Variants in SAMMSON observed in about 807,000 individuals in gnomAD.
SAMMSON encodes survival associated mitochondrial melanoma specific oncogenic non-coding RNA, also known as long intergenic non-protein coding RNA 1212.
intron 6 of SAMMSON, among the ~76,000 whole-genome samples, chr3:70,270,032 A>T (rs1356532786): frequency 6.6e-6 from 1 of 152,204 alleles, no homozygotes; most frequent in Admixed American, 6.5e-5. Context: ...TGATAAATAA[A>T]TCCATGAGTT....
intron 4 of SAMMSON, among the ~76,000 whole-genome samples, chr3:70,143,651 G>T (rs1315335931): frequency 1.3e-5 from 2 of 152,126 alleles, no homozygotes; most frequent in Non-Finnish European, 2.9e-5. Context: ...CCAGCAGTTT[G>T]CTGGGTGAGA....
At chr3:70,008,552 G>A (rs1040994841) in intron 1 of SAMMSON, among the ~76,000 whole-genome samples, 24 of 152,148 alleles carry the variant, frequency 1.6e-4, no homozygotes, top group South Asian at 4.1e-4. Flanking sequence ...AGATGATGGG[G>A]TTTTCTAGAT....
At chr3:70,037,536 A>G (rs1361126511) in intron 3 of SAMMSON, among the ~76,000 whole-genome samples, 1 of 152,186 alleles carries the variant, frequency 6.6e-6, no homozygotes, top group Non-Finnish European at 1.5e-5. Flanking sequence ...AGGAGGAGAA[A>G]TACACACAGA....
At chr3:70,082,355 T>C (rs1187312720) in intron 4 of SAMMSON, among the ~76,000 whole-genome samples, 1 of 152,186 alleles carries the variant, frequency 6.6e-6, no homozygotes, top group African/African-American at 2.4e-5. Flanking sequence ...TAAAAGCATT[T>C]CCCAGAAGGA....
At chr3:70,353,655 A>G (rs1702810130) in intron 7 of SAMMSON, among the ~76,000 whole-genome samples, 2 of 152,188 alleles carry the variant, frequency 1.3e-5, no homozygotes, top group Admixed American at 1.3e-4. Flanking sequence ...ACTCTGAAAA[A>G]CAGTTTGGTA....
At chr3:70,378,143 T>A (rs976825560) in intron 9 of SAMMSON, among the ~76,000 whole-genome samples, 1 of 151,088 alleles carries the variant, frequency 6.6e-6, no homozygotes, top group African/African-American at 2.4e-5. Context: ...AATTTATATA[T>A]AATTTAGTTA....
chr3:70,250,436 CACACACACACACACA>C (rs1701751594), intron 6 of SAMMSON, among the ~76,000 whole-genome samples: 1 of 151,488 alleles, frequency 6.6e-6, no homozygotes, highest in East Asian at 1.9e-4. Flanking sequence ...CACACACACA[CACACACACACACACA>C]AACACAAACC....
chr3:70,250,582 C>A (rs189191344), intron 6 of SAMMSON, among the ~76,000 whole-genome samples: 2 of 152,226 alleles, frequency 1.3e-5, no homozygotes, highest in East Asian at 3.9e-4. Flanking sequence ...GAAAAATAGT[C>A]TCTGAGCAGC....
At position 70,245,063 on chromosome 3, in the gene SAMMSON, GA is replaced by G. The variant is rs570230065; in HGVS notation, n.508-4043del. On this transcript the variant is annotated intron_variant and non_coding_transcript_variant, in intron 4 of 9. Coordinates refer to ENST00000642114, the Ensembl canonical transcript of SAMMSON. Reference sequence around the variant, plus strand: ...TTGGAATTGCAATCAGGGATTTACAGATTTCATTTTGAAGAGGAGAAGTCAT... The same window carrying G: ...TTGGAATTGCAATCAGGGATTTACAGTTTCATTTTGAAGAGGAGAAGTCAT... Among the ~76,000 whole-genome samples, 815 of 152,228 alleles carry G rather than the reference GA, an allele frequency of 5.4e-3. 8 individuals are homozygous for G. Among genetic ancestry groups the G allele is most frequent in the African/African-American group, 0.019 (783 of 41,560 alleles).
chr3:70,125,483 T>G, intron 4 of SAMMSON: 1 of 754,906 alleles, frequency 1.3e-6, no homozygotes, highest in Non-Finnish European at 2.3e-6. Context: ...ATCAGAGTCT[T>G]TTTTAATCTC....
chr3:70,066,268 T>C (rs987038909), intron 3 of SAMMSON, among the ~76,000 whole-genome samples: 2 of 152,170 alleles, frequency 1.3e-5, no homozygotes, highest in Admixed American at 1.3e-4. Context: ...AGTGCCCAGT[T>C]TGACATTCTT....
At position 70,337,059 on chromosome 3, in the gene SAMMSON, T is replaced by G. The variant is rs1486176978; in HGVS notation, n.740-17116T>G. Among the ~76,000 whole-genome samples the G allele has an allele frequency of 3.7e-5, 3 of 81,758 alleles. 1 individual carries two copies. Among genetic ancestry groups the G allele is most frequent in the African/African-American group, 1.0e-4 (3 of 28,756 alleles). The allele number at this position is 81,758 out of a possible 152,430, so 53.6% of individuals were successfully genotyped here. ...ATATCTAACTTAATATTATTATTAT[T>G]AATAATAATATCTAACTTAATATTC... On this transcript the variant is annotated intron_variant and non_coding_transcript_variant, in intron 7 of 9. Transcript: ENST00000642114.
intron 4 of SAMMSON, among the ~76,000 whole-genome samples, chr3:70,195,675 G>A (rs1278653832): frequency 6.6e-6 from 1 of 152,006 alleles, no homozygotes; most frequent in Non-Finnish European, 1.5e-5. Context: ...TCTTTGTTTG[G>A]TTACTCATGC....
rs1702511124 is a variant in SAMMSON, at chr3:70,318,465, T to TTA, written n.739+27222_739+27223insTA. ...TTTCAGTGTGAGAATTAACATTTTG[T>TTA]GTGTGTGTGTGTGTGAGTGTGTGTG... On this transcript the variant is annotated intron_variant and non_coding_transcript_variant, in intron 7 of 9. Coordinates refer to ENST00000642114, the Ensembl canonical transcript of SAMMSON. 2.0e-5 allele frequency among the ~76,000 whole-genome samples: 3 copies of TTA among 151,452 alleles called. 1 individual carries two copies. Among genetic ancestry groups the TTA allele is most frequent in the African/African-American group, 7.3e-5 (3 of 41,346 alleles).
chr3:70,266,318 G>C (rs1701916677), intron 6 of SAMMSON, among the ~76,000 whole-genome samples: 2 of 152,032 alleles, frequency 1.3e-5, no homozygotes, highest in East Asian at 3.8e-4. Flanking sequence ...GCTCAACACT[G>C]TTTTGATTAA....
intron 3 of SAMMSON, chr3:70,068,551 A>C (rs926983777): frequency 6.6e-6 from 1 of 152,144 alleles, no homozygotes; most frequent in African/African-American, 2.4e-5. Context: ...AAAATTGTAC[A>C]TAACTTGGAT....
Position 70,291,311 on chromosome 3 carries a change from A to AT in SAMMSON, n.739+77dup, listed in dbSNP as rs547967163. 6.7e-3 allele frequency: 1,013 copies of AT among 150,724 alleles called. 5 individuals carry two copies. Among genetic ancestry groups the AT allele is most frequent in the Non-Finnish European group, 0.011 (726 of 67,612 alleles). The allele number at this position is 150,724 out of a possible 1,614,324, so 9.3% of individuals were successfully genotyped here. A position where few individuals can be genotyped will look rare whatever the true frequency, so the allele number is the denominator to read the frequency against. On this transcript the variant is annotated intron_variant and non_coding_transcript_variant, in intron 7 of 9. Coordinates refer to ENST00000642114, the Ensembl canonical transcript of SAMMSON. Reference sequence around the variant, plus strand: ...TGGGAATAATAATAGCAGCCAACTCATTTTTTTTTAGACAATTCAGTGAAT... The same window carrying AT: ...TGGGAATAATAATAGCAGCCAACTCATTTTTTTTTTAGACAATTCAGTGAAT...
intron 4 of SAMMSON, among the ~76,000 whole-genome samples, chr3:70,116,966 C>G (rs1315403668): frequency 1.3e-5 from 2 of 152,092 alleles, no homozygotes; most frequent in East Asian, 3.9e-4. Context: ...TTGACCAGGT[C>G]TGCCTCATCA....
chr3:70,229,734 A>G (rs895467258), intron 4 of SAMMSON, among the ~76,000 whole-genome samples: 18 of 152,294 alleles, frequency 1.2e-4, no homozygotes, highest in African/African-American at 4.3e-4. Context: ...TCCCTGAGTC[A>G]CCACATGGTG....
Sources: gnomAD v4.1 joint callset for allele counts (sites outside exome capture counted in the v4.1 genomes callset) on GRCh38, gnomAD v4.1.1 for gene constraint, MANE v1.5 for transcripts, NCBI Gene and HGNC (gene_info 2026-07-23, HGNC 2026-07-21) for gene names.